The following GALNT14 variants were observed in gnomAD, a reference collection of about 807,000 sequenced individuals.
GALNT14 encodes polypeptide N-acetylgalactosaminyltransferase 14.
Under a neutral mutation model 77.5 loss-of-function variants are expected in GALNT14, and 60 were observed. The ratio of observed to expected loss-of-function variants is 0.77; its 90% CI spans 0.63 to 0.96. The LOEUF is 0.96. Ranked by LOEUF, GALNT14 falls within the 40% of genes least tolerant of loss-of-function variation. The probability of loss-of-function intolerance (pLI) is 0.00; values close to 1 mark genes in which losing one functional copy is unlikely to be tolerated. For missense variants in GALNT14, 710 were observed against 731.0 expected (o/e 0.97, Z 0.33); for synonymous variants, 280 against 281.7 (o/e 0.99, Z 0.06).
chr2:30,927,815 C>G (rs1665481184), intron 11 of GALNT14, among the ~76,000 whole-genome samples: 1 of 152,182 alleles, frequency 6.6e-6, no homozygotes. Context: ...AGTGGGCAGA[C>G]TGCAGGCCTT....
chr2:30,968,452 T>G (rs1255225375), intron 2 of GALNT14, among the ~76,000 whole-genome samples: 1 of 152,222 alleles, frequency 6.6e-6, no homozygotes, highest in Non-Finnish European at 1.5e-5. Context: ...CATTGCAGGC[T>G]CTGCCTTGGC....
chr2:31,095,622 G>C (rs1020301397), intron 1 of GALNT14, among the ~76,000 whole-genome samples: 1 of 152,062 alleles, frequency 6.6e-6, no homozygotes, highest in African/African-American at 2.4e-5. Context: ...GCTGGCTACA[G>C]AGAGAAGAAA....
In GALNT14 at chr2:31,084,982, G is replaced by A. The variant is rs1332910301; in HGVS notation, c.129+52976C>T. Among the ~76,000 whole-genome samples, 10 of 151,540 alleles carry A rather than the reference G, an allele frequency of 6.6e-5. No individual in the cohort carries two copies. The East Asian group carries it at 7.8e-4, about 12-fold the overall frequency. ...AGAGGCTGCAGTGAGTGCCAAGATC[G>A]CACCATTGTACTCCAGCCAGGGTGA... is the stretch of plus-strand genomic sequence containing the variant. On this transcript the variant is annotated intron_variant, in intron 1 of 14. Transcript: ENST00000349752.
intron 13 of GALNT14, among the ~76,000 whole-genome samples, chr2:30,914,034 G>A (rs561978020): frequency 6.6e-6 from 1 of 152,286 alleles, no homozygotes; most frequent in South Asian, 2.1e-4. Flanking sequence ...AAGTCTGTCC[G>A]CACAGAGGTG....
At chr2:31,022,706 G>A (rs1671797914) in intron 1 of GALNT14, among the ~76,000 whole-genome samples, 1 of 152,156 alleles carries the variant, frequency 6.6e-6, no homozygotes, top group South Asian at 2.1e-4. Context: ...ATCATTGGGA[G>A]CCTTAAGCAG....
intron 1 of GALNT14, among the ~76,000 whole-genome samples, chr2:31,132,444 A>C (rs1558590235): frequency 6.6e-6 from 1 of 152,124 alleles, no homozygotes; most frequent in Non-Finnish European, 1.5e-5. Context: ...CCACCCAGAC[A>C]CCTGCTCCTG....
intron 1 of GALNT14, among the ~76,000 whole-genome samples, chr2:31,088,460 G>A (rs1251340642): frequency 2.0e-5 from 3 of 152,138 alleles, no homozygotes; most frequent in Admixed American, 6.6e-5. Context: ...TTGGCGTCTC[G>A]TGGTCCTTCC....
intron 2 of GALNT14, among the ~76,000 whole-genome samples, chr2:30,978,456 A>G (rs1668771626): frequency 1.3e-5 from 2 of 152,218 alleles, no homozygotes; most frequent in Admixed American, 1.3e-4. Flanking sequence ...GGGTCATAGC[A>G]AAGTTGTGAG....
intron 1 of GALNT14, among the ~76,000 whole-genome samples, chr2:31,002,392 T>C (rs1670419800): frequency 6.6e-6 from 1 of 151,836 alleles, no homozygotes; most frequent in African/African-American, 2.4e-5. Context: ...TTCATGCCAC[T>C]GCGCTCCAAC....
chr2:30,944,993 C>G (rs748485333), intron 7 of GALNT14, 51 bp from the exon 8 acceptor site: 2 of 1,474,568 alleles, frequency 1.4e-6, no homozygotes, highest in Non-Finnish European at 1.8e-6. Flanking sequence ...AGCACTTGCT[C>G]ATTCTGCACC....
rs114485884 is a variant in GALNT14, at chr2:30,947,058, C to G, written c.655-1188G>C. On this transcript the variant is annotated intron_variant, in intron 6 of 14. Coordinates refer to ENST00000349752, the MANE Select transcript of GALNT14 (RefSeq NM_024572.4). Reference sequence around the variant, plus strand: ...AAGAAGCTTCACCCAGCCCATCAACCAGACCAAATCCTGCTGGTTCTAACT... The same window carrying G: ...AAGAAGCTTCACCCAGCCCATCAACGAGACCAAATCCTGCTGGTTCTAACT... Among the ~76,000 whole-genome samples the G allele has an allele frequency of 2.0e-3, 307 of 152,294 alleles. 1 individual carries two copies. The highest frequency in any genetic ancestry group is 6.9e-3 in the African/African-American group (288 of 41,558).
intron 1 of GALNT14, among the ~76,000 whole-genome samples, chr2:31,051,826 T>G (rs374118818): frequency 6.6e-6 from 1 of 152,168 alleles, no homozygotes; most frequent in South Asian, 2.1e-4. Flanking sequence ...GCCTTCACAT[T>G]GACTGTCTTA....
chr2:31,054,814 T>C (rs1471758465), intron 1 of GALNT14, among the ~76,000 whole-genome samples: 1 of 152,190 alleles, frequency 6.6e-6, no homozygotes, highest in Non-Finnish European at 1.5e-5. Flanking sequence ...GAAACTGTAA[T>C]TAGAAAATAT....
chr2:30,922,085 T>C (rs758121618), intron 13 of GALNT14, among the ~76,000 whole-genome samples: 1 of 152,062 alleles, frequency 6.6e-6, no homozygotes, highest in Non-Finnish European at 1.5e-5. Flanking sequence ...CTGAGGGTCA[T>C]GGGAGAAGGG....
chr2:31,048,670 C>T lies in GALNT14; in HGVS notation c.130-55663G>A, dbSNP rs368428382. On this transcript the variant is annotated intron_variant, in intron 1 of 14. Coordinates refer to ENST00000349752, the MANE Select transcript of GALNT14 (RefSeq NM_024572.4). ...ATCCTCCTATGGAGTTCTGCCATCA[C>T]GCCTCTGGGCTGAGCTGCCCATCAG... 1.0e-4 allele frequency among the ~76,000 whole-genome samples: 15 copies of T among 148,582 alleles called. No homozygotes were observed. The East Asian group carries it at 1.5e-3, about 15-fold the overall frequency.
chr2:31,126,751 T>A (rs1042824771), intron 1 of GALNT14: 4 of 152,266 alleles, frequency 2.6e-5, no homozygotes, highest in African/African-American at 9.6e-5. Context: ...GCCAAAGTCC[T>A]ACTCGCAGTT....
the GALNT14 span, among the ~76,000 whole-genome samples, chr2:30,893,314 G>A: frequency 6.6e-6 from 1 of 152,144 alleles, no homozygotes; most frequent in Non-Finnish European, 1.5e-5. Context: ...TGAGATTATG[G>A]AAAGTGTTAT....
chr2:31,047,331 T>C (rs1189245393), intron 1 of GALNT14, among the ~76,000 whole-genome samples: 1 of 152,132 alleles, frequency 6.6e-6, no homozygotes, highest in Non-Finnish European at 1.5e-5. Context: ...TGTGGCATCA[T>C]TCCCTGGGGA....
intron 2 of GALNT14, among the ~76,000 whole-genome samples, chr2:30,966,517 AC>A (rs1451603401): frequency 2.0e-5 from 3 of 152,156 alleles, no homozygotes; most frequent in African/African-American, 7.2e-5. Context: ...TGAATTTTCT[AC>A]CACCTTGGGG....
Sources: allele counts gnomAD v4.1 joint callset (sites outside exome capture counted in the v4.1 genomes callset), GRCh38; gene constraint gnomAD v4.1.1; transcripts MANE v1.5; gene names NCBI Gene and HGNC (gene_info 2026-07-23, HGNC 2026-07-21).